Variants in DNAH14 observed in about 807,000 individuals in gnomAD.
DNAH14 encodes the protein axonemal beta dynein heavy chain 14.
DNAH14 carries 478 observed loss-of-function variants against 520.9 expected under a neutral mutation model. The ratio of observed to expected loss-of-function variants is 0.92; its 90% CI spans 0.85 to 0.99. The LOEUF (loss-of-function observed/expected upper bound fraction) is 0.99. DNAH14 is among the 50% of genes least tolerant of loss of function. The pLI, the probability that DNAH14 is intolerant of heterozygous loss-of-function variation, is 0.00. For synonymous variants in DNAH14, 1,581 were observed against 1,757.2 expected, an observed-to-expected ratio of 0.90 and a Z score of 2.51; for missense variants, 4,831 against 5,234.5, an observed-to-expected ratio of 0.92 and a Z score of 2.38.
intron 37 of DNAH14, among the ~76,000 whole-genome samples, chr1:225,187,155 C>G (rs1358415114): frequency 6.6e-6 from 1 of 151,774 alleles, no homozygotes; most frequent in Non-Finnish European, 1.5e-5. Context: ...CATGTACTGC[C>G]AGGTAAAATT....
chr1:225,079,520 A>G lies in DNAH14; in HGVS notation c.2738A>G (p.His913Arg), dbSNP rs2148563839. 3 of 1,514,422 alleles carry G rather than the reference A, an allele frequency of 2.0e-6. No homozygotes were observed. The highest frequency in any genetic ancestry group is 2.6e-6 in the Non-Finnish European group (3 of 1,137,854). The allele number at this position is 1,514,422 out of a possible 1,614,324, so 93.8% of individuals were successfully genotyped here. A position where few individuals can be genotyped will look rare whatever the true frequency, so the allele number is the denominator to read the frequency against. Residue 913 changes from histidine to arginine, a missense_variant, in exon 18 of 86, where the codon CAT becomes CGT. Physicochemically the swap from His to Arg is conservative, Grantham distance 29. Transcript: ENST00000682510. ...DNLEACISGLHVDVGNLKAKI... is the reference protein window; with the variant it reads ...DNLEACISGLRVDVGNLKAKI... The stretch of plus-strand genomic sequence containing the variant: ...TTGGAAGCATGTATCAGTGGTCTAC[A>G]TGTTGATGTTGGCAATTTAAAAGCC...
chr1:224,993,337 T>C (rs1041540204), intron 8 of DNAH14, among the ~76,000 whole-genome samples: 1 of 152,074 alleles, frequency 6.6e-6, no homozygotes, highest in Admixed American at 6.6e-5. Flanking sequence ...CCTGCACTTT[T>C]TTTGATGGGA....
At chr1:225,132,098 G>A (rs939787214) in intron 27 of DNAH14, among the ~76,000 whole-genome samples, 2 of 152,116 alleles carry the variant, frequency 1.3e-5, no homozygotes, top group African/African-American at 4.8e-5. Flanking sequence ...AGACTCTACA[G>A]AGATCGGTAA....
chr1:225,388,681 C>T (rs1171772913), intron 82 of DNAH14, among the ~76,000 whole-genome samples, 190 bp downstream of exon 82: 1 of 152,168 alleles, frequency 6.6e-6, no homozygotes, highest in East Asian at 1.9e-4. Context: ...GAGTAAGCTC[C>T]CTCCACTCCA....
At chr1:225,375,301 C>A (rs1558566004) in intron 78 of DNAH14, among the ~76,000 whole-genome samples, 1 of 152,214 alleles carries the variant, frequency 6.6e-6, no homozygotes, top group Non-Finnish European at 1.5e-5. Flanking sequence ...TCTATCCAAG[C>A]CTTCACATTT....
At chr1:225,117,121 G>C (rs1025515016) in intron 23 of DNAH14, among the ~76,000 whole-genome samples, 1 of 152,024 alleles carries the variant, frequency 6.6e-6, no homozygotes, top group East Asian at 1.9e-4. Context: ...TAAGTTAATG[G>C]GTATCTCTTC....
rs182936302 is a variant in DNAH14 at position 224,952,961 on chromosome 1, A to T, written c.77+182A>T. 2,253 of 405,304 alleles carry T rather than the reference A, an allele frequency of 5.6e-3. 12 individuals are homozygous for T. The highest frequency in any genetic ancestry group is 7.3e-3 in the Non-Finnish European group (1,676 of 229,450). 25.1% of individuals were successfully genotyped at this position (405,304 alleles called of 1,614,324 possible). The stretch of plus-strand genomic sequence containing the variant: ...TGTTTTCTGATAAGACAGGCAAATT[A>T]ACCCTGGTTGTTGGCTCCTTCCCCC... On this transcript the variant is annotated intron_variant, in intron 2 of 85. Coordinates refer to ENST00000682510, the MANE Select transcript of DNAH14 (RefSeq NM_001367479.1).
At position 225,085,820 on chromosome 1, in the gene DNAH14, C is replaced by A; in HGVS notation, c.3573+31C>A. The A allele has an allele frequency of 1.0e-5, 15 of 1,484,100 alleles. No individual in the cohort carries two copies. In the South Asian group the frequency reaches 1.9e-4, roughly 19 times the overall value. The allele number at this position is 1,484,100 out of a possible 1,614,324, so 91.9% of individuals were successfully genotyped here. On this transcript the variant is annotated intron_variant, in intron 21 of 85. Coordinates refer to ENST00000682510, the MANE Select transcript of DNAH14 (RefSeq NM_001367479.1). ...TATTATGGCAAAGGAAAAATGTTTT[C>A]TTTTTCTGTAGTTTTATTTATTATT...
At chr1:225,275,067 C>T (rs775397143) in intron 52 of DNAH14, among the ~76,000 whole-genome samples, 17 of 152,158 alleles carry the variant, frequency 1.1e-4, no homozygotes, top group Non-Finnish European at 1.9e-4. Flanking sequence ...TAAGATCTCA[C>T]CTAAGGTCAC....
Position 225,232,630 on chromosome 1 carries a change from C to T in DNAH14, c.6518+1479C>T, listed in dbSNP as rs896599573. On this transcript the variant is annotated intron_variant, in intron 42 of 85. Transcript: ENST00000682510. This position sits in a 1 kb window ranked among gnomAD's most constrained non-coding sequence, Gnocchi z 4.2. The stretch of plus-strand genomic sequence containing the variant: ...TCTCAAACAAGCCATGATCCTTTGA[C>T]CTTATGGTCTTGGCACACGTATTCC... Among the ~76,000 whole-genome samples, 10 of 152,064 alleles carry T rather than the reference C, an allele frequency of 6.6e-5. No homozygotes were observed. The highest frequency in any genetic ancestry group is 1.2e-4 in the Non-Finnish European group (8 of 68,012).
At chr1:225,153,926 C>G (rs1000145509) in intron 34 of DNAH14, 100 bp downstream of exon 34, 4 of 817,446 alleles carry the variant, frequency 4.9e-6, no homozygotes, top group Non-Finnish European at 3.8e-6. Context: ...AAACAGGGAG[C>G]CCCGCAGACT....
intron 23 of DNAH14, among the ~76,000 whole-genome samples, chr1:225,109,722 C>T (rs901041787): frequency 6.6e-6 from 1 of 152,180 alleles, no homozygotes; most frequent in Admixed American, 6.5e-5. Flanking sequence ...ATTGCTCCAG[C>T]TAGGACTTCC....
intron 73 of DNAH14, among the ~76,000 whole-genome samples, chr1:225,358,214 A>G (rs1311522444): frequency 2.0e-5 from 3 of 152,200 alleles, no homozygotes; most frequent in African/African-American, 7.2e-5. Context: ...ATTAGGGAGT[A>G]TAACTTGGAT....
rs554868968 is a variant in DNAH14, at chr1:225,000,820, A to AT, written c.831-1957dup. On this transcript the variant is annotated intron_variant, in intron 8 of 85. Transcript: ENST00000682510. ...GTTTTTTTTGTATTTCTGTCATTGT[A>AT]TTTTTTAATTCTAAAATTTCCATTT... Among the ~76,000 whole-genome samples the AT allele has an allele frequency of 3.6e-3, 552 of 151,724 alleles. 6 individuals are homozygous for AT. Among genetic ancestry groups the AT allele is most frequent in the African/African-American group, 0.013 (523 of 41,386 alleles).
intron 83 of DNAH14, among the ~76,000 whole-genome samples, chr1:225,390,922 A>C (rs776890778): frequency 3.4e-4 from 51 of 151,714 alleles, no homozygotes; most frequent in Non-Finnish European, 5.9e-4. Flanking sequence ...CTTCACTACT[A>C]AGTGGAATGA....
At chr1:224,986,136 A>G (rs1459635506) in intron 8 of DNAH14, among the ~76,000 whole-genome samples, 1 of 152,034 alleles carries the variant, frequency 6.6e-6, no homozygotes, top group African/African-American at 2.4e-5. Context: ...GTAATAAAAA[A>G]AAGTCTCTCA....
At chr1:225,066,957 G>A (rs139313730) in intron 17 of DNAH14, among the ~76,000 whole-genome samples, 38 of 152,144 alleles carry the variant, frequency 2.5e-4, no homozygotes, top group African/African-American at 5.8e-4. Context: ...TGCTATAAAC[G>A]TGTGTACATG....
intron 10 of DNAH14, among the ~76,000 whole-genome samples, chr1:225,017,899 TAAAAAC>T (rs1306543963): frequency 6.6e-6 from 1 of 151,888 alleles, no homozygotes; most frequent in Non-Finnish European, 1.5e-5. Flanking sequence ...ATAAAGAACA[TAAAAAC>T]AAAGCCCAGT....
At chr1:225,130,531 A>G (rs2078280713) in intron 27 of DNAH14, among the ~76,000 whole-genome samples, 1 of 151,808 alleles carries the variant, frequency 6.6e-6, no homozygotes, top group Non-Finnish European at 1.5e-5. Context: ...GACATGGATG[A>G]AAATTGGAAA....
Sources: gnomAD v4.1 joint callset for allele counts (sites outside exome capture counted in the v4.1 genomes callset) on GRCh38, gnomAD v4.1.1 for gene constraint, Gnocchi (gnomAD v3.1) non-coding constraint, MANE v1.5 for transcripts, NCBI Gene and HGNC (gene_info 2026-07-23, HGNC 2026-07-21) for gene names.